Variants in LRRTM4 observed in about 807,000 individuals in gnomAD.
The protein encoded by LRRTM4 is leucine rich repeat transmembrane neuronal 4, also known as leucine-rich repeat transmembrane neuronal protein 4.
Under a neutral mutation model 47.6 loss-of-function variants are expected in LRRTM4, and 25 were observed. That is an observed-to-expected ratio of 0.53 (90% CI 0.38 to 0.73). The LOEUF is 0.73. LRRTM4 is among the 30% of genes least tolerant of loss of function. The pLI is 0.00. For synonymous variants in LRRTM4, 311 were observed against 269.5 expected (o/e 1.15, Z -1.51); for missense variants, 638 against 713.4 (o/e 0.89, Z 1.20).
chr2:77,350,570 T>G lies in LRRTM4; in HGVS notation c.1551+167748A>C, dbSNP rs553436137. Among the ~76,000 whole-genome samples, 7 of 152,096 alleles carry G rather than the reference T, an allele frequency of 4.6e-5. No individual in the cohort carries two copies. In the East Asian group the frequency reaches 1.4e-3, roughly 29 times the overall value. Reference sequence around the variant, plus strand: ...GAAAGGAAATGGAGATATATTTGAGTATAAAACTAATTAAAAACCATTTAT... The same window carrying G: ...GAAAGGAAATGGAGATATATTTGAGGATAAAACTAATTAAAAACCATTTAT... On this transcript the variant is annotated intron_variant, in intron 3 of 3. Coordinates refer to ENST00000409884, the MANE Select transcript of LRRTM4 (RefSeq NM_001134745.3).
chr2:76,801,722 A>G (rs186838325), intron 3 of LRRTM4, among the ~76,000 whole-genome samples: 4 of 152,134 alleles, frequency 2.6e-5, no homozygotes, highest in Non-Finnish European at 5.9e-5. Context: ...AAAAATCCTC[A>G]GCAAAATATC....
In LRRTM4 at chr2:76,806,812, C is replaced by T. The variant is rs951183692; in HGVS notation, c.1552-57896G>A. 1.5e-4 allele frequency among the ~76,000 whole-genome samples: 23 copies of T among 151,422 alleles called. 1 individual carries two copies. Among genetic ancestry groups the T allele is most frequent in the Admixed American group, 5.9e-4 (9 of 15,202 alleles). On this transcript the variant is annotated intron_variant, in intron 3 of 3. Transcript: ENST00000409884. ...TATATGTATTATAATGACATATAGC[C>T]GATTAGGATTTTTAATATATATTGG...
chr2:77,058,174 G>C (rs960818755), intron 3 of LRRTM4, among the ~76,000 whole-genome samples: 4 of 152,150 alleles, frequency 2.6e-5, no homozygotes, highest in African/African-American at 9.7e-5. Context: ...AAGTCAGTCT[G>C]TTTGAGGTTG....
intron 3 of LRRTM4, among the ~76,000 whole-genome samples, chr2:76,834,298 G>T (rs964811441): frequency 6.6e-6 from 1 of 151,106 alleles, no homozygotes; most frequent in Non-Finnish European, 1.5e-5. Context: ...TGATCTGCCT[G>T]CCTCGTCCTC....
At chr2:76,764,246 G>A (rs976476907) in intron 3 of LRRTM4, among the ~76,000 whole-genome samples, 1 of 152,108 alleles carries the variant, frequency 6.6e-6, no homozygotes, top group Non-Finnish European at 1.5e-5. Context: ...CTCAGCCCAT[G>A]CATATTGCAA....
intron 3 of LRRTM4, among the ~76,000 whole-genome samples, chr2:76,873,072 G>A (rs1358900408): frequency 6.6e-6 from 1 of 151,964 alleles, no homozygotes; most frequent in African/African-American, 2.4e-5. Context: ...TCAGCCTAAG[G>A]CATTTCTTTA....
chr2:77,083,175 C>T (rs960632102), intron 3 of LRRTM4, among the ~76,000 whole-genome samples: 1 of 152,068 alleles, frequency 6.6e-6, no homozygotes, highest in African/African-American at 2.4e-5. Flanking sequence ...AAAACAATTG[C>T]AGCATGGTGG....
chr2:77,445,629 C>T (rs1299054263), intron 3 of LRRTM4, among the ~76,000 whole-genome samples: 4 of 151,990 alleles, frequency 2.6e-5, no homozygotes, highest in Non-Finnish European at 5.9e-5. Context: ...TTAACATGCT[C>T]AGGATATCAA....
chr2:76,748,524 C>T lies in LRRTM4; in HGVS notation c.*171G>A. On this transcript the variant is annotated 3_prime_UTR_variant, in exon 4 of 4. Transcript: ENST00000409884. ...CCCGGTAATGCTGCAGGTGCATTCG[C>T]TGCCCTCTTCAAGCAGTTTTTTTTT... is the stretch of plus-strand genomic sequence containing the variant. 1 of 609,690 alleles carries T rather than the reference C, an allele frequency of 1.6e-6. No homozygotes were observed. Among genetic ancestry groups the T allele is most frequent in the Non-Finnish European group, 2.9e-6 (1 of 347,914 alleles). 37.8% of individuals were successfully genotyped at this position (609,690 alleles called of 1,614,324 possible).
chr2:77,415,143 A>C (rs186912593), intron 3 of LRRTM4, among the ~76,000 whole-genome samples: 1 of 152,308 alleles, frequency 6.6e-6, no homozygotes. Context: ...AAGAAGACAT[A>C]AGTTTGCTCA....
chr2:76,767,384 A>G (rs1673498349), intron 3 of LRRTM4, among the ~76,000 whole-genome samples: 1 of 152,220 alleles, frequency 6.6e-6, no homozygotes, highest in Non-Finnish European at 1.5e-5. Context: ...AAACTCATTT[A>G]GTGTTCACAG....
At chr2:77,331,296 C>A (rs548806501) in intron 3 of LRRTM4, among the ~76,000 whole-genome samples, 5 of 152,212 alleles carry the variant, frequency 3.3e-5, no homozygotes, top group African/African-American at 9.6e-5. Flanking sequence ...GAAAACCAGA[C>A]AAAGTGACAT....
rs79643060 is a variant in LRRTM4 at position 77,311,895 on chromosome 2, T to C, written c.1551+206423A>G. On this transcript the variant is annotated intron_variant, in intron 3 of 3. Coordinates refer to ENST00000409884, the MANE Select transcript of LRRTM4 (RefSeq NM_001134745.3). ...AGTAAATTTGGTTTTACTTTTACCC[T>C]AGCCTTTCTAAATGGATATGAGGCA... Among the ~76,000 whole-genome samples the C allele has an allele frequency of 9.7e-3, 1,477 of 152,322 alleles. 23 individuals carry two copies. The highest frequency in any genetic ancestry group is 0.034 in the African/African-American group (1,396 of 41,576).
Position 77,061,431 on chromosome 2 carries a change from G to T in LRRTM4, c.1552-312515C>A, listed in dbSNP as rs149297561. 4.2e-3 allele frequency among the ~76,000 whole-genome samples: 643 copies of T among 152,086 alleles called. 4 individuals are homozygous for T. The highest frequency in any genetic ancestry group is 0.015 in the African/African-American group (618 of 41,458). On this transcript the variant is annotated intron_variant, in intron 3 of 3. Transcript: ENST00000409884. Reference sequence around the variant, plus strand: ...TAATAAACCTGCAGAGTTGCTGAGAGTCAACACATTAATTATTTCTCCATT... The same window carrying T: ...TAATAAACCTGCAGAGTTGCTGAGATTCAACACATTAATTATTTCTCCATT...
At chr2:77,045,496 C>A (rs561344301) in intron 3 of LRRTM4, among the ~76,000 whole-genome samples, 2 of 151,996 alleles carry the variant, frequency 1.3e-5, no homozygotes, top group African/African-American at 4.8e-5. Flanking sequence ...GCTGTGTCCC[C>A]ACCCAAATCT....
At chr2:76,798,257 A>T (rs533156501) in intron 3 of LRRTM4, among the ~76,000 whole-genome samples, 6 of 152,332 alleles carry the variant, frequency 3.9e-5, no homozygotes, top group African/African-American at 1.2e-4. Flanking sequence ...TATCTCTCAG[A>T]CCACAGTGCA....
chr2:77,126,818 G>T (rs1038838433), intron 3 of LRRTM4, among the ~76,000 whole-genome samples: 20 of 152,202 alleles, frequency 1.3e-4, no homozygotes, highest in Non-Finnish European at 5.9e-5. Flanking sequence ...ATCCCTGCAA[G>T]ATGTGCACAT....
Position 76,893,758 on chromosome 2 carries a change from C to T in LRRTM4, c.1552-144842G>A, listed in dbSNP as rs536452826. ...ACAGATTTCAGCTTTCTCATTGCAT[C>T]CTGCCCTTCTTATATTTTACAAAAA... is the stretch of plus-strand genomic sequence containing the variant. On this transcript the variant is annotated intron_variant, in intron 3 of 3. Coordinates refer to ENST00000409884, the MANE Select transcript of LRRTM4 (RefSeq NM_001134745.3). Among the ~76,000 whole-genome samples the T allele has an allele frequency of 4.0e-5, 6 of 151,738 alleles. No homozygotes were observed. The South Asian group carries it at 1.2e-3, about 31-fold the overall frequency.
chr2:76,798,106 G>C (rs533773007), intron 3 of LRRTM4, among the ~76,000 whole-genome samples: 1 of 151,740 alleles, frequency 6.6e-6, no homozygotes, highest in Admixed American at 6.6e-5. Context: ...AGACCTAATA[G>C]ACATCTACTG....
Sources: gnomAD v4.1 joint callset for allele counts (sites outside exome capture counted in the v4.1 genomes callset) on GRCh38, gnomAD v4.1.1 for gene constraint, MANE v1.5 for transcripts, NCBI Gene and HGNC (gene_info 2026-07-23, HGNC 2026-07-21) for gene names.